Variants in DOCK8 observed in about 807,000 individuals in gnomAD.
DOCK8 encodes the protein dedicator of cytokinesis protein 8.
A neutral mutation model predicts 245.6 loss-of-function variants in DOCK8; 141 were observed. The ratio of observed to expected loss-of-function variants is 0.57; its 90% CI spans 0.50 to 0.66. The LOEUF (loss-of-function observed/expected upper bound fraction) is 0.66, where lower values mean the gene tolerates loss of function less well. Among genes scored for constraint, DOCK8 ranks in the 30% least tolerant of loss-of-function variants. The pLI is 0.00. For missense variants in DOCK8, 2,965 were observed against 2,603.4 expected (o/e 1.14, Z -3.02); for synonymous variants, 1,168 against 970.2 (o/e 1.20, Z -3.79).
intron 1 of DOCK8, among the ~76,000 whole-genome samples, chr9:227,628 AAC>A (rs1277090644): frequency 1.3e-5 from 2 of 152,160 alleles, no homozygotes; most frequent in African/African-American, 4.8e-5. Flanking sequence ...AGCCCACCCT[AAC>A]ACAGATGAAC....
chr9:363,123 C>A (rs1482079946), intron 14 of DOCK8, among the ~76,000 whole-genome samples: 1 of 152,126 alleles, frequency 6.6e-6, no homozygotes, highest in East Asian at 1.9e-4. Context: ...TGAGGAGGCC[C>A]TGGAGGGAAA....
rs555906969 is a variant in DOCK8, at chr9:420,943, G to A, written c.4024-6G>A. 1 of 1,614,070 alleles carries A rather than the reference G, an allele frequency of 6.2e-7. No homozygotes were observed. The highest frequency in any genetic ancestry group is 1.3e-5 in the African/African-American group (1 of 74,934). Reference sequence around the variant, plus strand: ...GGACATGTCCTCCTACCTCTGTCTTGTCCAGGGAAAACAGAGTTCTGACAA... The same window carrying A: ...GGACATGTCCTCCTACCTCTGTCTTATCCAGGGAAAACAGAGTTCTGACAA... On this transcript the variant is annotated splice_region_variant and splice_polypyrimidine_tract_variant and intron_variant, in intron 31 of 47. Coordinates refer to ENST00000432829, the MANE Select transcript of DOCK8 (RefSeq NM_203447.4).
Position 433,245 on chromosome 9 carries a change from A to G in DOCK8, c.4786-630A>G, listed in dbSNP as rs146758059. 1.1e-4 allele frequency among the ~76,000 whole-genome samples: 16 copies of G among 152,306 alleles called. No individual in the cohort carries two copies. The East Asian group carries it at 1.2e-3, about 11-fold the overall frequency. On this transcript the variant is annotated intron_variant, in intron 37 of 47. Transcript: ENST00000432829. ...TAAAGGTCTTCAGTGCCTTCACCCA[A>G]TGAAATGACTCTAGTGGTAGAAATT... is the stretch of plus-strand genomic sequence containing the variant.
chr9:432,376 T>A (rs747693650), intron 37 of DOCK8, 52 bp downstream of exon 37: 20 of 1,556,502 alleles, frequency 1.3e-5, no homozygotes, highest in Non-Finnish European at 1.7e-5. Context: ...ATCTGCCAAC[T>A]ATTGTGTATG....
chr9:322,384 T>C (rs71509959), intron 7 of DOCK8, among the ~76,000 whole-genome samples: 3 of 98,506 alleles, frequency 3.0e-5, no homozygotes, highest in African/African-American at 7.2e-5. Flanking sequence ...GGTTCTGTGA[T>C]CAGAGATGGC....
chr9:395,531 T>TTAGTAGTAGTAGTAGTAGTAG (rs60738310), intron 24 of DOCK8, among the ~76,000 whole-genome samples: 2 of 149,476 alleles, frequency 1.3e-5, no homozygotes, highest in African/African-American at 2.4e-5. Flanking sequence ...TCCAGTGCCA[T>TTAGTAGTAGTAGTAGTAGTAG]TAGTAGTAGT....
intron 20 of DOCK8, among the ~76,000 whole-genome samples, chr9:377,577 T>C (rs1480040068): frequency 6.6e-6 from 1 of 152,264 alleles, no homozygotes; most frequent in African/African-American, 2.4e-5. Flanking sequence ...CTGTGTTAAA[T>C]GGAGGGAAGG....
intron 26 of DOCK8, among the ~76,000 whole-genome samples, chr9:401,027 TTCA>T (rs2055061296): frequency 8.8e-6 from 1 of 113,948 alleles, no homozygotes; most frequent in Non-Finnish European, 1.9e-5. Context: ...GACCACCTCC[TTCA>T]CCTCCACCAT....
chr9:265,896 C>G (rs1009143170), intron 1 of DOCK8, among the ~76,000 whole-genome samples: 11 of 152,160 alleles, frequency 7.2e-5, no homozygotes, highest in African/African-American at 2.4e-4. Context: ...CCTTAGTCAA[C>G]TAATGTGCTT....
intron 46 of DOCK8, among the ~76,000 whole-genome samples, chr9:458,803 C>T (rs1456641873): frequency 6.6e-6 from 1 of 152,006 alleles, no homozygotes; most frequent in Non-Finnish European, 1.5e-5. Flanking sequence ...AGAATGAGAT[C>T]CTCTCTCTAA....
chr9:434,735 C>A, intron 38 of DOCK8, 48 bp from the exon 39 acceptor site: 3 of 1,575,236 alleles, frequency 1.9e-6, no homozygotes, highest in South Asian at 2.2e-5. Context: ...AGAACAGTGT[C>A]ATTAACCCAC....
At chr9:375,890 C>T (rs530431572) in intron 18 of DOCK8, among the ~76,000 whole-genome samples, 41 of 152,172 alleles carry the variant, frequency 2.7e-4, no homozygotes, top group African/African-American at 9.4e-4. Flanking sequence ...CCCGCTACTC[C>T]AGAGACTGAG....
At position 368,041 on chromosome 9, in the gene DOCK8, A is replaced by G. The variant is rs551705105; in HGVS notation, c.1703A>G (p.Gln568Arg). 5.0e-6 allele frequency: 8 copies of G among 1,614,130 alleles called. No homozygotes were observed. In the Admixed American group the frequency reaches 1.2e-4, roughly 24 times the overall value. Residue 568 changes from glutamine (Q) to arginine (R), a missense_variant, in exon 15 of 48, where the codon CAG becomes CGG. By Grantham distance (43) the Gln-to-Arg change is conservative. Transcript: ENST00000432829. ...VYRNLLYVYP[Q>R]RLNFVNKLAS... The stretch of plus-strand genomic sequence containing the variant: ...AGAAACCTTCTCTATGTCTACCCAC[A>G]GAGGCTGAACTTTGTAAACAAACTA...
At chr9:234,170 G>A (rs1175730197) in intron 1 of DOCK8, among the ~76,000 whole-genome samples, 1 of 152,138 alleles carries the variant, frequency 6.6e-6, no homozygotes, top group Non-Finnish European at 1.5e-5. Flanking sequence ...TAGTTTGGCT[G>A]GATATGAAAT....
At chr9:408,144 A>C (rs2055527660) in intron 28 of DOCK8, among the ~76,000 whole-genome samples, 2 of 152,190 alleles carry the variant, frequency 1.3e-5, no homozygotes, top group Non-Finnish European at 2.9e-5. Flanking sequence ...GCTGTATGTT[A>C]TGGATGGATT....
chr9:326,644 T>C (rs1817749756), intron 8 of DOCK8, among the ~76,000 whole-genome samples: 1 of 152,176 alleles, frequency 6.6e-6, no homozygotes, highest in East Asian at 1.9e-4. Flanking sequence ...TCTTTAACCA[T>C]CCAGGGTGGG....
intron 1 of DOCK8, among the ~76,000 whole-genome samples, chr9:239,202 C>T (rs1236122958): frequency 6.6e-6 from 1 of 152,102 alleles, no homozygotes; most frequent in African/African-American, 2.4e-5. Flanking sequence ...AACACATACA[C>T]ACACGCATGG....
intron 1 of DOCK8, among the ~76,000 whole-genome samples, chr9:236,701 C>T (rs567753408): frequency 2.3e-4 from 35 of 152,264 alleles, no homozygotes; most frequent in Admixed American, 1.8e-3. Flanking sequence ...TCTCAGTGAA[C>T]GAAACCAACA....
At chr9:270,185 TAAAG>T (rs979405558) in intron 1 of DOCK8, among the ~76,000 whole-genome samples, 15 of 152,188 alleles carry the variant, frequency 9.9e-5, no homozygotes, top group African/African-American at 3.6e-4. Flanking sequence ...AAAAATTAAA[TAAAG>T]AAAACGCTGT....
Sources: allele counts gnomAD v4.1 joint callset (sites outside exome capture counted in the v4.1 genomes callset), GRCh38; gene constraint gnomAD v4.1.1; transcripts MANE v1.5; gene names NCBI Gene and HGNC (gene_info 2026-07-23, HGNC 2026-07-21).